CSMD1: variants seen among roughly 807,000 people sequenced by gnomAD.
CSMD1 encodes CUB and Sushi multiple domains 1.
A neutral mutation model predicts 417.5 loss-of-function variants in CSMD1; 213 were observed. The observed-to-expected ratio is 0.51, with a 90% CI of 0.46 to 0.57. CSMD1 has a LOEUF of 0.57. CSMD1 is among the 20% of genes least tolerant of loss of function. The pLI, the probability that CSMD1 is intolerant of heterozygous loss-of-function variation, is 0.00. For synonymous variants in CSMD1, 2,862 were observed against 1,736.8 expected (o/e 1.65, Z -16.11); for missense variants, 6,923 against 4,529.7 (o/e 1.53, Z -15.17).
intron 52 of CSMD1, among the ~76,000 whole-genome samples, chr8:3,011,009 A>T (rs1199187630): frequency 3.9e-5 from 6 of 152,090 alleles, no homozygotes; most frequent in Non-Finnish European, 7.4e-5. Flanking sequence ...TACAGGCGTG[A>T]GCCACCGCGC....
At position 4,277,930 on chromosome 8, in the gene CSMD1, A is replaced by G. The variant is rs528381295; in HGVS notation, c.415+142023T>C. On this transcript the variant is annotated intron_variant, in intron 3 of 69. Transcript: ENST00000635120. ...CCCCGGCTAATTTTTTTGTATTTTT[A>G]GTGGAGACAGGATTTCACCATGCTG... is the stretch of plus-strand genomic sequence containing the variant. 4.6e-5 allele frequency among the ~76,000 whole-genome samples: 7 copies of G among 151,994 alleles called. No individual in the cohort carries two copies. In the South Asian group the frequency reaches 1.5e-3, roughly 32 times the overall value.
intron 57 of CSMD1, among the ~76,000 whole-genome samples, chr8:2,972,555 C>T (rs535997105): frequency 3.9e-5 from 6 of 152,208 alleles, no homozygotes; most frequent in South Asian, 4.1e-4. Context: ...ATAAGGTGTC[C>T]GTGGCTATTC....
intron 3 of CSMD1, among the ~76,000 whole-genome samples, chr8:4,119,971 A>G (rs541350550): frequency 1.1e-4 from 17 of 152,196 alleles, no homozygotes; most frequent in African/African-American, 3.1e-4. Context: ...AGTTTAAAAG[A>G]ATGAATAAGA....
intron 21 of CSMD1, among the ~76,000 whole-genome samples, chr8:3,353,762 A>T (rs1267791598): frequency 3.1e-5 from 2 of 65,156 alleles, no homozygotes; most frequent in Non-Finnish European, 8.5e-5. Flanking sequence ...AAGATGAATG[A>T]ACACAGTTTC....
chr8:4,677,221 G>A (rs1458151335), intron 1 of CSMD1, among the ~76,000 whole-genome samples: 2 of 150,998 alleles, frequency 1.3e-5, no homozygotes, highest in African/African-American at 2.4e-5. Flanking sequence ...AGTTACTGTA[G>A]AAATAATGCT....
intron 46 of CSMD1, 122 bp downstream of exon 46, chr8:3,106,406 A>C: frequency 1.6e-6 from 1 of 611,404 alleles, no homozygotes; most frequent in South Asian, 2.9e-5. Context: ...TCCAAGATAA[A>C]TAAATAAATA....
At chr8:3,479,792 G>A (rs1294867156) in intron 11 of CSMD1, among the ~76,000 whole-genome samples, 1 of 152,008 alleles carries the variant, frequency 6.6e-6, no homozygotes, top group Non-Finnish European at 1.5e-5. Flanking sequence ...AAATGAATCA[G>A]AGGGTGGATT....
intron 1 of CSMD1, among the ~76,000 whole-genome samples, chr8:4,817,204 A>G (rs1010280201): frequency 4.2e-4 from 64 of 152,172 alleles, no homozygotes; most frequent in Admixed American, 4.1e-3. Context: ...CTGTGCTCCT[A>G]TATGTATATG....
chr8:3,362,112 A>G (rs372542482), intron 20 of CSMD1, among the ~76,000 whole-genome samples: 1 of 152,148 alleles, frequency 6.6e-6, no homozygotes, highest in Non-Finnish European at 1.5e-5. Flanking sequence ...AGATAAAAAT[A>G]TGCGTTACAC....
intron 9 of CSMD1, among the ~76,000 whole-genome samples, chr8:3,582,605 C>T (rs760624498): frequency 3.3e-4 from 50 of 152,244 alleles, no homozygotes; most frequent in African/African-American, 1.1e-3. Flanking sequence ...GCTAGCCACA[C>T]GTGGCTACTG....
At chr8:4,908,866 C>A (rs1430426687) in intron 1 of CSMD1, among the ~76,000 whole-genome samples, 3 of 152,122 alleles carry the variant, frequency 2.0e-5, no homozygotes. Flanking sequence ...TCTGATAAAT[C>A]ATAATTGTTC....
chr8:2,954,307 A>G (rs1802845888), intron 64 of CSMD1, 39 bp from the exon 65 acceptor site: 2 of 1,252,952 alleles, frequency 1.6e-6, no homozygotes, highest in Non-Finnish European at 2.2e-6. Flanking sequence ...TAAAAAAAAC[A>G]TTTATTTTTG....
chr8:3,643,132 A>T (rs1652122261), intron 7 of CSMD1, among the ~76,000 whole-genome samples: 1 of 152,098 alleles, frequency 6.6e-6, no homozygotes, highest in Non-Finnish European at 1.5e-5. Context: ...TTTAACAGTC[A>T]GGGAAAAACC....
chr8:4,511,895 G>T (rs1258629127), intron 2 of CSMD1, among the ~76,000 whole-genome samples: 3 of 152,028 alleles, frequency 2.0e-5, no homozygotes, highest in Non-Finnish European at 2.9e-5. Flanking sequence ...CTTGGGGAGG[G>T]GAAAAGGAAC....
chr8:4,104,775 G>A (rs978816331), intron 3 of CSMD1, among the ~76,000 whole-genome samples: 1 of 152,156 alleles, frequency 6.6e-6, no homozygotes, highest in Non-Finnish European at 1.5e-5. Context: ...CCGTTTCCCA[G>A]GAACTGCTGG....
At chr8:3,530,251 G>A (rs1393307652) in intron 10 of CSMD1, among the ~76,000 whole-genome samples, 1 of 152,002 alleles carries the variant, frequency 6.6e-6, no homozygotes, top group Admixed American at 6.6e-5. Flanking sequence ...AAATATATTA[G>A]GTTGTTGATT....
intron 3 of CSMD1, among the ~76,000 whole-genome samples, chr8:4,133,497 G>T (rs1803234957): frequency 6.6e-6 from 1 of 152,254 alleles, no homozygotes; most frequent in Non-Finnish European, 1.5e-5. Context: ...AGAAAAGCCT[G>T]CCCTGCAATT....
chr8:4,910,896 G>A (rs1006237974), intron 1 of CSMD1, among the ~76,000 whole-genome samples: 1 of 152,126 alleles, frequency 6.6e-6, no homozygotes, highest in African/African-American at 2.4e-5. Flanking sequence ...TTGTGAAAGG[G>A]ACCCAGTGGG....
At position 4,135,599 on chromosome 8, in the gene CSMD1, G is replaced by A. The variant is rs192908826; in HGVS notation, c.416-103500C>T. Among the ~76,000 whole-genome samples the A allele has an allele frequency of 2.0e-3, 304 of 152,062 alleles. 3 individuals are homozygous for A. The highest frequency in any genetic ancestry group is 7.0e-3 in the African/African-American group (291 of 41,476). On this transcript the variant is annotated intron_variant, in intron 3 of 69. Coordinates refer to ENST00000635120, the MANE Select transcript of CSMD1 (RefSeq NM_033225.6). ...AGTTTTGATTCTTAAAATATCAAGAGGAAAATTTAGTTTGCACTGTTAATA... is the reference window on the plus strand; with the variant it reads ...AGTTTTGATTCTTAAAATATCAAGAAGAAAATTTAGTTTGCACTGTTAATA...
Sources: gnomAD v4.1 joint callset for allele counts (sites outside exome capture counted in the v4.1 genomes callset) on GRCh38, gnomAD v4.1.1 for gene constraint, MANE v1.5 for transcripts, NCBI Gene and HGNC (gene_info 2026-07-23, HGNC 2026-07-21) for gene names.